Variants in SLC3A1 observed in about 807,000 individuals in gnomAD.
SLC3A1 encodes the protein amino acid transporter heavy chain SLC3A1.
A neutral mutation model predicts 60.3 loss-of-function variants in SLC3A1; 78 were observed. The observed-to-expected ratio is 1.29, with a 90% CI of 1.08 to 1.56. SLC3A1 has a LOEUF of 1.56. Ranked by LOEUF, SLC3A1 falls within the 40% of genes most tolerant of loss-of-function variation. The pLI is 0.00. For synonymous variants in SLC3A1, 392 were observed against 307.9 expected (o/e 1.27, Z -2.86); for missense variants, 1,172 against 858.9 (o/e 1.36, Z -4.56).
chr2:44,282,030 C>G (rs1283969798), intron 3 of SLC3A1, among the ~76,000 whole-genome samples: 2 of 152,104 alleles, frequency 1.3e-5, no homozygotes, highest in Non-Finnish European at 2.9e-5. Flanking sequence ...CGTCATCATA[C>G]TCGGCTAATT....
At chr2:44,321,586 G>A, downstream of SLC3A1, 4 of 1,491,020 alleles carry the variant, frequency 2.7e-6, no homozygotes, top group Non-Finnish European at 3.6e-6. Context: ...CGAGAGAGAG[G>A]CAGAAGGCTT....
chr2:44,314,167 T>A, intron 9 of SLC3A1: 1 of 1,173,788 alleles, frequency 8.5e-7, no homozygotes, highest in Non-Finnish European at 1.2e-6. Flanking sequence ...TGAAGTATCA[T>A]ATAGAATATA....
intron 9 of SLC3A1, among the ~76,000 whole-genome samples, chr2:44,315,521 G>A (rs62135163): frequency 6.8e-6 from 1 of 146,918 alleles, no homozygotes; most frequent in Non-Finnish European, 1.5e-5. Context: ...AAAAAAAAGG[G>A]AAATTAGCTG....
chr2:44,322,032 C>T (rs1264195880), downstream of SLC3A1: 1 of 870,076 alleles, frequency 1.1e-6, no homozygotes, highest in African/African-American at 1.7e-5. Flanking sequence ...CAAAAACCAC[C>T]ATCATCAACA....
intron 1 of SLC3A1, among the ~76,000 whole-genome samples, chr2:44,276,511 TTCG>T (rs2104327087): frequency 6.6e-6 from 1 of 152,312 alleles, no homozygotes; most frequent in East Asian, 1.9e-4. Context: ...GCAGTATGCA[TTCG>T]TCATTACTTG....
intron 7 of SLC3A1, among the ~76,000 whole-genome samples, chr2:44,310,519 C>T (rs1672268181): frequency 6.6e-6 from 1 of 152,148 alleles, no homozygotes; most frequent in South Asian, 2.1e-4. Flanking sequence ...CTTATTGAGA[C>T]TCCTTACATG....
chr2:44,314,874 T>C (rs1005992059), intron 9 of SLC3A1: 5 of 145,290 alleles, frequency 3.4e-5, no homozygotes, highest in Admixed American at 7.0e-5. Flanking sequence ...AAGTCCTACA[T>C]AAAAATGCAT....
intron 9 of SLC3A1, among the ~76,000 whole-genome samples, chr2:44,317,035 G>A (rs74331835): frequency 0.026 from 3,925 of 152,182 alleles, 169 homozygotes; most frequent in African/African-American, 0.089. Flanking sequence ...GGGAGGGTGT[G>A]TGGGTGGGAG....
intron 8 of SLC3A1, among the ~76,000 whole-genome samples, chr2:44,313,180 G>A (rs1167026406): frequency 6.6e-6 from 1 of 152,132 alleles, no homozygotes; most frequent in Non-Finnish European, 1.5e-5. Flanking sequence ...GGTCTTGGGT[G>A]ACCACAGCAC....
At position 44,286,120 on chromosome 2, in the gene SLC3A1, T is replaced by G. The variant is rs761094083; in HGVS notation, c.854T>G (p.Leu285Ter). 6.2e-7 allele frequency: 1 copy of G among 1,614,058 alleles called. No homozygotes were observed. The highest frequency in any genetic ancestry group is 8.5e-7 in the Non-Finnish European group (1 of 1,179,942). ...CAGTTTATGAAAGAGCAACCTGATT[T>G]AAATTTCCGCAATCCTGATGTTCAA... ...FHQFMKEQPD[L>*]NFRNPDVQEE... The change falls in exon 4 of 10, where the codon TTA (leucine) becomes TGA (stop). Residue 285 changes from leucine (L) to a stop codon, truncating the protein, a stop_gained. Transcript: ENST00000260649. LOFTEE classifies it high-confidence loss of function.
chr2:44,289,504 C>T (rs1418692756), intron 4 of SLC3A1, among the ~76,000 whole-genome samples: 1 of 152,098 alleles, frequency 6.6e-6, no homozygotes. Flanking sequence ...AGCCACCACA[C>T]CTGGCCTCTT....
At chr2:44,293,859 C>A (rs2104353205) in intron 4 of SLC3A1, among the ~76,000 whole-genome samples, 1 of 152,334 alleles carries the variant, frequency 6.6e-6, no homozygotes, top group South Asian at 2.1e-4. Flanking sequence ...TCCTGAGCCA[C>A]AGTTTCCTCA....
rs745740070 is a variant in SLC3A1, at chr2:44,275,853, C to T, written c.318C>T (p.Ala106=). Reference sequence around the variant, plus strand: ...TGGTGCTCATCGCGGCCACCATAGCCATCATTGCCCTCTCTCCAAAGTGCC... The same window carrying T: ...TGGTGCTCATCGCGGCCACCATAGCTATCATTGCCCTCTCTCCAAAGTGCC... ...SVLVLIAATI[A]IIALSPKCLD... The change falls in exon 1 of 10, where the codon GCC becomes GCT. Residue 106 remains alanine (A), a synonymous_variant. Transcript: ENST00000260649. The T allele has an allele frequency of 2.5e-5, 40 of 1,614,118 alleles. No individual in the cohort carries two copies. Among genetic ancestry groups the T allele is most frequent in the Non-Finnish European group, 3.1e-5 (36 of 1,180,048 alleles).
chr2:44,282,242 A>G (rs929895204), intron 3 of SLC3A1, among the ~76,000 whole-genome samples: 1 of 151,604 alleles, frequency 6.6e-6, no homozygotes. Flanking sequence ...CCAATTATCT[A>G]TTTTCTTTTT....
At chr2:44,285,238 T>C (rs910035213) in intron 3 of SLC3A1, 5 of 157,634 alleles carry the variant, frequency 3.2e-5, no homozygotes, top group African/African-American at 7.2e-5. Context: ...CTGCCTGTGT[T>C]GCCATGGACA....
intron 4 of SLC3A1, 108 bp downstream of exon 4, chr2:44,286,265 T>C: frequency 9.8e-7 from 1 of 1,021,034 alleles, no homozygotes. Context: ...AGTCTTTAAT[T>C]ATTTGAAATA....
intron 7 of SLC3A1, among the ~76,000 whole-genome samples, chr2:44,312,176 T>A (rs1378566498): frequency 1.3e-5 from 2 of 152,206 alleles, no homozygotes; most frequent in African/African-American, 4.8e-5. Flanking sequence ...TTTGTCTGAA[T>A]AATTCATAAG....
At chr2:44,314,264 C>T in intron 9 of SLC3A1, 1 of 591,552 alleles carries the variant, frequency 1.7e-6, no homozygotes, top group Non-Finnish European at 2.9e-6. Flanking sequence ...AGCTGCCTTT[C>T]CTCCTCTCTT....
At position 44,280,459 on chromosome 2, in the gene SLC3A1, G is replaced by A. The variant is rs114081932; in HGVS notation, c.431-257G>A. ...TTGTCATGTTGGCCAGGATGGTCTC[G>A]AGCTCTTGACCTTAGGTATCCTCCC... On this transcript the variant is annotated intron_variant, in intron 1 of 9. Coordinates refer to ENST00000260649, the MANE Select transcript of SLC3A1 (RefSeq NM_000341.4). Among the ~76,000 whole-genome samples, 848 of 151,868 alleles carry A rather than the reference G, an allele frequency of 5.6e-3. 10 individuals are homozygous for A. The highest frequency in any genetic ancestry group is 0.019 in the African/African-American group (794 of 41,370).
Sources: allele counts gnomAD v4.1 joint callset (sites outside exome capture counted in the v4.1 genomes callset), GRCh38; gene constraint gnomAD v4.1.1; transcripts MANE v1.5; gene names NCBI Gene and HGNC (gene_info 2026-07-23, HGNC 2026-07-21).